The following ZNF600 variants were observed in gnomAD, a reference collection of about 807,000 sequenced individuals.
ZNF600 encodes the protein zinc finger protein 600.
In ZNF600, 4 loss-of-function variants were observed where a neutral mutation model predicts 7.3. The ratio of observed to expected loss-of-function variants is 0.55; its 90% confidence interval spans 0.27 to 1.25. The LOEUF (loss-of-function observed/expected upper bound fraction) is 1.25. Among genes scored for constraint, ZNF600 ranks in the 50% most tolerant of loss-of-function variants. ZNF600 has a pLI of 0.12. For synonymous variants in ZNF600, 290 were observed against 308.9 expected (o/e 0.94, Z 0.64); for missense variants, 911 against 922.1 (o/e 0.99, Z 0.16).
At chr19:52,769,413 G>A (rs139617232) in intron 3 of ZNF600, among the ~76,000 whole-genome samples, 24 of 152,246 alleles carry the variant, frequency 1.6e-4, no homozygotes, top group Non-Finnish European at 2.5e-4. Context: ...AAATAATGGC[G>A]CAAGCTATCT....
the ZNF600 span, among the ~76,000 whole-genome samples, chr19:52,792,764 A>G: frequency 9.3e-5 from 14 of 151,250 alleles, no homozygotes; most frequent in African/African-American, 3.4e-4. Context: ...ACGGAGTTTC[A>G]CTCTGTCGCC....
the ZNF600 span, among the ~76,000 whole-genome samples, chr19:52,792,890 G>A: frequency 2.0e-5 from 3 of 151,514 alleles, no homozygotes; most frequent in South Asian, 2.1e-4. Flanking sequence ...CCACCGCCAC[G>A]CCCAACTAAT....
the ZNF600 span, among the ~76,000 whole-genome samples, chr19:52,831,913 G>C: frequency 1.1e-4 from 17 of 152,278 alleles, no homozygotes; most frequent in African/African-American, 4.1e-4. Context: ...ACAGGCATAA[G>C]CCACCATGCC....
chr19:52,831,725 C>T, the ZNF600 span, among the ~76,000 whole-genome samples: 7 of 152,012 alleles, frequency 4.6e-5, no homozygotes, highest in Admixed American at 6.6e-5. Flanking sequence ...AGGATGGTCT[C>T]GATCTCCCGA....
the ZNF600 span, among the ~76,000 whole-genome samples, chr19:52,801,882 C>T: frequency 1.3e-5 from 2 of 152,136 alleles, no homozygotes; most frequent in African/African-American, 2.4e-5. Flanking sequence ...ATATGTCTTT[C>T]AAATCAATTC....
chr19:52,827,836 C>T, the ZNF600 span, among the ~76,000 whole-genome samples: 7 of 151,970 alleles, frequency 4.6e-5, no homozygotes, highest in African/African-American at 1.7e-4. Flanking sequence ...TGAGCCACCG[C>T]GCCCGGCCTA....
chr19:52,777,613 T>C (rs557794742), intron 2 of ZNF600, among the ~76,000 whole-genome samples: 40 of 152,106 alleles, frequency 2.6e-4, no homozygotes, highest in Admixed American at 7.8e-4. Flanking sequence ...AGGCAGATCA[T>C]GAGGTCAGGA....
chr19:52,819,703 G>A, the ZNF600 span, among the ~76,000 whole-genome samples: 4 of 142,322 alleles, frequency 2.8e-5, 1 homozygote, highest in African/African-American at 8.7e-5. Context: ...GGGATGGACT[G>A]GTCTTATCAT....
chr19:52,801,021 T>G, the ZNF600 span: 1 of 1,614,082 alleles, frequency 6.2e-7, no homozygotes, highest in African/African-American at 1.3e-5. Context: ...CTTGCCACAC[T>G]CATTACACTT....
At chr19:52,805,994 G>C in the ZNF600 span, 2 of 151,854 alleles carry the variant, frequency 1.3e-5, no homozygotes, top group South Asian at 2.1e-4. Context: ...AATACATAAA[G>C]TAATTAATTA....
At chr19:52,787,146 G>A (rs1164318164), upstream of ZNF600, among the ~76,000 whole-genome samples, 2 of 152,222 alleles carry the variant, frequency 1.3e-5, no homozygotes, top group South Asian at 4.1e-4. Flanking sequence ...TCCACCCCGT[G>A]CTCAGCTTCA....
chr19:52,816,017 T>C, the ZNF600 span, among the ~76,000 whole-genome samples: 1 of 146,872 alleles, frequency 6.8e-6, no homozygotes, highest in Non-Finnish European at 1.5e-5. Context: ...CTCATAATGA[T>C]GCAGAAATAC....
At chr19:52,813,029 A>G in the ZNF600 span, among the ~76,000 whole-genome samples, 2 of 151,818 alleles carry the variant, frequency 1.3e-5, no homozygotes, top group African/African-American at 4.8e-5. Flanking sequence ...AGCAATTTAT[A>G]CATTGTGAAA....
the ZNF600 span, among the ~76,000 whole-genome samples, chr19:52,816,256 C>A: frequency 2.0e-5 from 3 of 146,898 alleles, 1 homozygote; most frequent in African/African-American, 7.9e-5. Flanking sequence ...TGGTGGCTTG[C>A]ACCTGTAATC....
chr19:52,830,553 C>T, the ZNF600 span, among the ~76,000 whole-genome samples: 6 of 151,950 alleles, frequency 3.9e-5, no homozygotes, highest in South Asian at 6.2e-4. Flanking sequence ...GGGACACAAG[C>T]GCTGAGCTGC....
the ZNF600 span, among the ~76,000 whole-genome samples, chr19:52,827,822 G>T: frequency 6.6e-6 from 1 of 151,984 alleles, no homozygotes; most frequent in Non-Finnish European, 1.5e-5. Flanking sequence ...TGGGATAACA[G>T]GCGTGAGCCA....
chr19:52,771,773 C>T (rs563650931), intron 3 of ZNF600, among the ~76,000 whole-genome samples: 8 of 152,198 alleles, frequency 5.3e-5, no homozygotes, highest in East Asian at 3.9e-4. Context: ...CCATCACGCC[C>T]GTCCAATTTT....
At chr19:52,811,447 G>A in the ZNF600 span, among the ~76,000 whole-genome samples, 3 of 144,898 alleles carry the variant, frequency 2.1e-5, no homozygotes, top group East Asian at 2.0e-4. Context: ...AGGAAGCGAG[G>A]AGCGCCTCTT....
the ZNF600 span, chr19:52,799,187 G>C: frequency 1.3e-5 from 5 of 391,410 alleles, no homozygotes; most frequent in East Asian, 3.1e-4. Flanking sequence ...TACACTTGTA[G>C]GGTTTCTCTC....
Sources: allele counts gnomAD v4.1 joint callset (sites outside exome capture counted in the v4.1 genomes callset), GRCh38; gene constraint gnomAD v4.1.1; transcripts MANE v1.5; gene names NCBI Gene and HGNC (gene_info 2026-07-23, HGNC 2026-07-21).